Variants in NTAQ1 observed in about 807,000 individuals in gnomAD.
NTAQ1 encodes protein N-terminal glutamine amidohydrolase.
NTAQ1 carries 21 observed loss-of-function variants against 28.2 expected under a neutral mutation model. The observed-to-expected ratio is 0.74, with a 90% confidence interval of 0.53 to 1.07. The LOEUF (loss-of-function observed/expected upper bound fraction) is 1.07, where lower values mean the gene tolerates loss of function less well. Ranked by LOEUF, NTAQ1 falls within the 50% of genes least tolerant of loss-of-function variation. NTAQ1 has a pLI of 0.00. For missense variants in NTAQ1, 264 were observed against 256.6 expected (o/e 1.03, Z -0.20); for synonymous variants, 105 against 90.0 (o/e 1.17, Z -0.94).
At chr8:123,427,499 A>T (rs1223929243) in intron 1 of NTAQ1, among the ~76,000 whole-genome samples, 6 of 151,712 alleles carry the variant, frequency 4.0e-5, no homozygotes, top group Non-Finnish European at 7.4e-5. Context: ...CGAACTCCTG[A>T]CCTCGTGATC....
intron 1 of NTAQ1, among the ~76,000 whole-genome samples, chr8:123,423,918 G>T (rs1011025027): frequency 1.3e-5 from 2 of 151,594 alleles, no homozygotes; most frequent in Non-Finnish European, 2.9e-5. Context: ...GTCTTGCTCT[G>T]TCACCCAGGC....
chr8:123,424,911 A>G (rs1285627058), intron 1 of NTAQ1, among the ~76,000 whole-genome samples: 1 of 152,124 alleles, frequency 6.6e-6, no homozygotes, highest in Non-Finnish European at 1.5e-5. Context: ...ATATCCTCCA[A>G]GCACTTAGCA....
At chr8:123,445,167 T>C (rs1377989148), downstream of NTAQ1, among the ~76,000 whole-genome samples, 1 of 152,144 alleles carries the variant, frequency 6.6e-6, no homozygotes, top group Non-Finnish European at 1.5e-5. Flanking sequence ...TTTCTGATGT[T>C]CCCACCCAGA....
intron 6 of NTAQ1, among the ~76,000 whole-genome samples, chr8:123,457,978 G>A (rs1019954701): frequency 1.4e-5 from 2 of 143,994 alleles, no homozygotes; most frequent in Non-Finnish European, 3.0e-5. Flanking sequence ...AGGTTGCAGT[G>A]AGCCAAGATC....
intron 5 of NTAQ1, among the ~76,000 whole-genome samples, chr8:123,438,677 A>AC (rs1368778819): frequency 6.6e-6 from 1 of 151,712 alleles, no homozygotes; most frequent in Non-Finnish European, 1.5e-5. Flanking sequence ...CATCTCAAAA[A>AC]AAAAAAAAGA....
chr8:123,428,894 G>A (rs1215990786), intron 2 of NTAQ1, among the ~76,000 whole-genome samples: 2 of 152,060 alleles, frequency 1.3e-5, no homozygotes, highest in Non-Finnish European at 2.9e-5. Context: ...GAGCCACTGT[G>A]CCTGGCCATT....
At position 123,459,300 on chromosome 8, in the gene NTAQ1, G is replaced by C. The variant is rs529107753; in HGVS notation, c.373-7779G>C. Among the ~76,000 whole-genome samples, 28 of 152,166 alleles carry C rather than the reference G, an allele frequency of 1.8e-4. No individual in the cohort carries two copies. In the South Asian group the frequency reaches 3.1e-3, roughly 17 times the overall value. ...CAGATGAAGAGATCAGGTGTGGAAG[G>C]GTCCTGAGTGCAGGAGCTTCTGTCC... On this transcript the variant is annotated intron_variant, in intron 6 of 6. Coordinates refer to the NTAQ1 transcript ENST00000650311.
At chr8:123,417,020 C>A (rs971421976) in intron 1 of NTAQ1, 88 bp downstream of exon 1, 6 of 1,285,928 alleles carry the variant, frequency 4.7e-6, no homozygotes, top group Non-Finnish European at 6.1e-6. Context: ...GGCCCCTCCT[C>A]GGGGGCGCTC....
intron 1 of NTAQ1, among the ~76,000 whole-genome samples, chr8:123,423,309 T>C (rs987763582): frequency 1.5e-4 from 4 of 27,510 alleles, no homozygotes; most frequent in African/African-American, 3.6e-4. Context: ...TGTTTTCTCT[T>C]CTCTTCTTTT....
chr8:123,463,670 G>A (rs1815892720), intron 6 of NTAQ1, among the ~76,000 whole-genome samples: 1 of 152,158 alleles, frequency 6.6e-6, no homozygotes, highest in South Asian at 2.1e-4. Context: ...GCTCTTGATG[G>A]ACATTTGTAT....
downstream of NTAQ1, among the ~76,000 whole-genome samples, chr8:123,452,832 G>A (rs777991374): frequency 2.8e-4 from 42 of 151,622 alleles, no homozygotes; most frequent in African/African-American, 9.7e-4. Context: ...GCTTGAACCC[G>A]GGAGGTGGAG....
chr8:123,466,647 C>T (rs1815967456), intron 6 of NTAQ1, among the ~76,000 whole-genome samples: 1 of 152,186 alleles, frequency 6.6e-6, no homozygotes, highest in African/African-American at 2.4e-5. Context: ...TCCTGCTGCC[C>T]CTCCTCCCTT....
chr8:123,423,383 C>T (rs906770685), intron 1 of NTAQ1, among the ~76,000 whole-genome samples: 6 of 149,748 alleles, frequency 4.0e-5, no homozygotes, highest in African/African-American at 1.5e-4. Context: ...CTTTTCCTCC[C>T]TTTCCCTCCT....
intron 3 of NTAQ1, among the ~76,000 whole-genome samples, chr8:123,433,635 AC>A (rs1356230675): frequency 6.6e-6 from 1 of 151,934 alleles, no homozygotes; most frequent in African/African-American, 2.4e-5. Context: ...TTTAGTAGAG[AC>A]GGGGTCTCAC....
chr8:123,436,335 T>C, intron 3 of NTAQ1, 118 bp from the exon 4 acceptor site: 1 of 851,472 alleles, frequency 1.2e-6, no homozygotes, highest in African/African-American at 1.7e-5. Context: ...TCTATTTTGC[T>C]ATTATAAGGA....
intron 1 of NTAQ1, among the ~76,000 whole-genome samples, chr8:123,424,113 C>T (rs1813894375): frequency 7.4e-6 from 1 of 134,572 alleles, no homozygotes; most frequent in South Asian, 2.5e-4. Context: ...CACTCTGTCA[C>T]CCAGGCTGGA....
At chr8:123,458,033 CAA>C (rs201846882) in intron 6 of NTAQ1, among the ~76,000 whole-genome samples, 9 of 85,398 alleles carry the variant, frequency 1.1e-4, no homozygotes, top group East Asian at 6.8e-4. Flanking sequence ...GACTCTGTCT[CAA>C]AAAAAAAAAA....
chr8:123,460,556 C>T (rs562467959), intron 6 of NTAQ1, among the ~76,000 whole-genome samples: 20 of 152,296 alleles, frequency 1.3e-4, no homozygotes, highest in South Asian at 4.1e-4. Flanking sequence ...CTGTGGCACA[C>T]GGGATGTCTT....
At position 123,442,010 on chromosome 8, in the gene NTAQ1, G is replaced by A. The variant is rs1815093930; in HGVS notation, c.*595G>A. 6.6e-6 allele frequency: 1 copy of A among 152,548 alleles called. No individual in the cohort carries two copies. Among genetic ancestry groups the A allele is most frequent in the Admixed American group, 6.6e-5 (1 of 15,250 alleles). The allele number at this position is 152,548 out of a possible 1,614,324, so 9.4% of individuals were successfully genotyped here. A position where few individuals can be genotyped will look rare whatever the true frequency, so the allele number is the denominator to read the frequency against. ...TTTATTTATGGCTTTAAATAAAATC[G>A]ATTTAACGTTAGTTTTGTTTTGAAG... On this transcript the variant is annotated 3_prime_UTR_variant, in exon 6 of 6. Transcript: ENST00000287387.
Sources: allele counts gnomAD v4.1 joint callset (sites outside exome capture counted in the v4.1 genomes callset), GRCh38; gene constraint gnomAD v4.1.1; transcripts MANE v1.5; gene names NCBI Gene and HGNC (gene_info 2026-07-23, HGNC 2026-07-21).